The following EYS variants were observed in gnomAD, a reference collection of about 807,000 sequenced individuals.
EYS encodes EGF-like photoreceptor maintenance factor.
In EYS, 250 loss-of-function variants were observed where a neutral mutation model predicts 282.1. The observed-to-expected ratio is 0.89, with a 90% CI of 0.80 to 0.98. EYS has a LOEUF of 0.98. EYS is among the 50% of genes least tolerant of loss of function. The pLI is 0.00. For synonymous variants in EYS, 1,355 were observed against 1,282.9 expected (o/e 1.06, Z -1.20); for missense variants, 4,016 against 3,709.0 (o/e 1.08, Z -2.15).
chr6:64,036,168 C>A (rs932825736), intron 33 of EYS, among the ~76,000 whole-genome samples: 11 of 151,964 alleles, frequency 7.2e-5, no homozygotes, highest in Non-Finnish European at 1.6e-4. Flanking sequence ...TGCTTCTCTG[C>A]CATTCCAGAC....
At chr6:65,274,445 T>C (rs1041592294) in intron 12 of EYS, among the ~76,000 whole-genome samples, 1 of 152,164 alleles carries the variant, frequency 6.6e-6, no homozygotes, top group African/African-American at 2.4e-5. Flanking sequence ...TGTAGCTTTA[T>C]TGCTTGAGCA....
rs555552462 is a variant in EYS, at chr6:64,527,215, T to C, written c.5644+63008A>G. On this transcript the variant is annotated intron_variant, in intron 26 of 42. Coordinates refer to ENST00000503581, the MANE Select transcript of EYS (RefSeq NM_001142800.2). Reference sequence around the variant, plus strand: ...TGTTTTCACATTTGAAACAGAAACATATTTAATGAGAGCTCCTGGGCTTAA... The same window carrying C: ...TGTTTTCACATTTGAAACAGAAACACATTTAATGAGAGCTCCTGGGCTTAA... Among the ~76,000 whole-genome samples the C allele has an allele frequency of 9.9e-5, 15 of 151,910 alleles. No individual in the cohort carries two copies. The South Asian group carries it at 2.9e-3, about 29-fold the overall frequency.
At chr6:65,629,797 G>A (rs1483413730) in intron 2 of EYS, among the ~76,000 whole-genome samples, 1 of 152,052 alleles carries the variant, frequency 6.6e-6, no homozygotes, top group Non-Finnish European at 1.5e-5. Context: ...ATAGGGCAAT[G>A]GGCAATGAAC....
intron 15 of EYS, among the ~76,000 whole-genome samples, chr6:64,936,654 A>G (rs1261695563): frequency 6.6e-6 from 1 of 151,544 alleles, no homozygotes; most frequent in Non-Finnish European, 1.5e-5. Flanking sequence ...TGAAAATGGC[A>G]TGAAGACAAT....
intron 33 of EYS, among the ~76,000 whole-genome samples, chr6:64,011,163 T>G (rs9342097): frequency 0.31 from 47,752 of 152,012 alleles, 7,729 homozygotes; most frequent in South Asian, 0.4. Flanking sequence ...ATTTGTCTAT[T>G]TCTTGTCTAA....
At chr6:64,173,482 CT>C (rs1764540498) in intron 31 of EYS, among the ~76,000 whole-genome samples, 1 of 152,128 alleles carries the variant, frequency 6.6e-6, no homozygotes, top group African/African-American at 2.4e-5. Flanking sequence ...CATGTGAAAA[CT>C]TGAAACAGCA....
At chr6:65,341,850 G>T (rs1275484475) in intron 10 of EYS, among the ~76,000 whole-genome samples, 1 of 150,788 alleles carries the variant, frequency 6.6e-6, no homozygotes, top group Non-Finnish European at 1.5e-5. Context: ...GTTTTGCTTA[G>T]AAAAAATAGA....
chr6:65,231,606 A>T (rs759037510), intron 12 of EYS, among the ~76,000 whole-genome samples: 3 of 151,876 alleles, frequency 2.0e-5, no homozygotes, highest in Non-Finnish European at 4.4e-5. Context: ...CAAAGGATAA[A>T]TGTGCTATCA....
chr6:64,551,057 G>A (rs1370312428), intron 26 of EYS, among the ~76,000 whole-genome samples: 3 of 151,276 alleles, frequency 2.0e-5, no homozygotes, highest in Non-Finnish European at 4.4e-5. Context: ...CTATTTTTAG[G>A]CAATTACAAA....
Position 65,443,362 on chromosome 6 carries a change from A to G in EYS, c.863-37995T>C, listed in dbSNP as rs62646229. 8.3e-4 allele frequency among the ~76,000 whole-genome samples: 98 copies of G among 117,690 alleles called. 13 individuals carry two copies. Among genetic ancestry groups the G allele is most frequent in the Non-Finnish European group, 1.4e-3 (65 of 48,080 alleles). 77.2% of individuals were successfully genotyped at this position (117,690 alleles called of 152,430 possible). A position where few individuals can be genotyped will look rare whatever the true frequency, so the allele number is the denominator to read the frequency against. On this transcript the variant is annotated intron_variant, in intron 5 of 42. Coordinates refer to ENST00000503581, the MANE Select transcript of EYS (RefSeq NM_001142800.2). ...TGTACACATATAGACATATATGCAT[A>G]CATGTATGTACACATATAGACATAT...
intron 29 of EYS, among the ~76,000 whole-genome samples, chr6:64,342,143 A>G (rs973583444): frequency 1.3e-5 from 2 of 151,668 alleles, no homozygotes; most frequent in Non-Finnish European, 3.0e-5. Context: ...AATAAAATTT[A>G]AAATGTAAAA....
intron 31 of EYS, among the ~76,000 whole-genome samples, chr6:64,097,415 C>T (rs1772665065): frequency 6.6e-6 from 1 of 152,180 alleles, no homozygotes; most frequent in Admixed American, 6.5e-5. Context: ...TTTGAGCTTC[C>T]TGGCTGCTTT....
In EYS at chr6:65,494,695, G is replaced by A. The variant is rs150140204; in HGVS notation, c.716C>T (p.Ala239Val). ...INKRENWDEQ[A>V]YECVCHPPFT... Reference sequence around the variant, plus strand: ...TGGTGGGTGACAGACACATTCATATGCTTGCTCATCCCAATTTTCTCTTTT... The same window carrying A: ...TGGTGGGTGACAGACACATTCATATACTTGCTCATCCCAATTTTCTCTTTT... Residue 239 changes from alanine (A) to valine (V), a missense_variant, in exon 4 of 43, where the codon GCA (alanine) becomes GTA (valine). Coordinates refer to ENST00000503581, the MANE Select transcript of EYS (RefSeq NM_001142800.2). 202 of 1,587,136 alleles carry A rather than the reference G, an allele frequency of 1.3e-4. 2 individuals are homozygous for A. The African/African-American group carries it at 2.3e-3, about 18-fold the overall frequency.
At chr6:64,293,001 G>C (rs1053269093) in intron 30 of EYS, among the ~76,000 whole-genome samples, 5 of 151,942 alleles carry the variant, frequency 3.3e-5, no homozygotes, top group African/African-American at 4.8e-5. Context: ...CTATATGATC[G>C]TTTCTAAGCT....
At chr6:64,595,689 A>G (rs1348605859) in intron 24 of EYS, among the ~76,000 whole-genome samples, 2 of 152,192 alleles carry the variant, frequency 1.3e-5, no homozygotes, top group African/African-American at 4.8e-5. Context: ...CCCAGTCACA[A>G]TAGCCTCACA....
At chr6:64,779,691 A>G (rs563489542) in intron 22 of EYS, among the ~76,000 whole-genome samples, 17 of 152,310 alleles carry the variant, frequency 1.1e-4, no homozygotes, top group African/African-American at 4.1e-4. Context: ...GTGTCCCATG[A>G]ATGCAAGATG....
chr6:64,130,251 C>T (rs1773926549), intron 31 of EYS, among the ~76,000 whole-genome samples: 1 of 152,174 alleles, frequency 6.6e-6, no homozygotes, highest in Admixed American at 6.5e-5. Context: ...CAACGATCGA[C>T]TGGATTAAGA....
intron 12 of EYS, among the ~76,000 whole-genome samples, chr6:65,168,880 C>A (rs1440927130): frequency 1.3e-5 from 2 of 151,262 alleles, no homozygotes; most frequent in Non-Finnish European, 3.0e-5. Flanking sequence ...GCAACTTTTT[C>A]AAAATTGGCC....
chr6:65,198,923 A>G (rs1765834256), intron 12 of EYS, among the ~76,000 whole-genome samples: 1 of 152,042 alleles, frequency 6.6e-6, no homozygotes, highest in Non-Finnish European at 1.5e-5. Flanking sequence ...GATGTCTCCT[A>G]AGTATTTGGC....
Sources: gnomAD v4.1 joint callset for allele counts (sites outside exome capture counted in the v4.1 genomes callset) on GRCh38, gnomAD v4.1.1 for gene constraint, MANE v1.5 for transcripts, NCBI Gene and HGNC (gene_info 2026-07-23, HGNC 2026-07-21) for gene names.